The following MKRN1 variants were observed in gnomAD, a reference collection of about 807,000 sequenced individuals.
MKRN1 encodes makorin ring finger protein 1.
A neutral mutation model predicts 55.5 loss-of-function variants in MKRN1; 9 were observed. The ratio of observed to expected loss-of-function variants is 0.16; its 90% CI spans 0.10 to 0.28. The LOEUF (loss-of-function observed/expected upper bound fraction) is 0.28. Among genes scored for constraint, MKRN1 ranks in the 10% least tolerant of loss-of-function variants. MKRN1 has a pLI of 1.00. For synonymous variants in MKRN1, 253 were observed against 235.9 expected, an observed-to-expected ratio of 1.07 and a Z score of -0.66; for missense variants, 488 against 626.7, an observed-to-expected ratio of 0.78 and a Z score of 2.36.
rs146644993 is a variant in MKRN1, at chr7:140,477,247, A to G, written c.185+1913T>C. ...CCTATCAAGGAATCTGCACAACAATAAAAAACTGTCTCAAGCAAAAGCTAT... is the reference window on the plus strand; with the variant it reads ...CCTATCAAGGAATCTGCACAACAATGAAAAACTGTCTCAAGCAAAAGCTAT... On this transcript the variant is annotated intron_variant, in intron 1 of 7. Transcript: ENST00000255977. Among the ~76,000 whole-genome samples the G allele has an allele frequency of 1.3e-4, 20 of 152,296 alleles. No homozygotes were observed. In the East Asian group the frequency reaches 2.1e-3, roughly 16 times the overall value.
intron 1 of MKRN1, 141 bp from the exon 2 acceptor site, chr7:140,472,152 G>T: frequency 1.7e-6 from 2 of 1,155,724 alleles, no homozygotes; most frequent in Non-Finnish European, 2.4e-6. Flanking sequence ...AGGCATGGTG[G>T]CTCATGCCTG....
rs567966215 is a variant in MKRN1, at chr7:140,477,528, TG to T, written c.185+1631del. On this transcript the variant is annotated intron_variant, in intron 1 of 7. Coordinates refer to ENST00000255977, the MANE Select transcript of MKRN1 (RefSeq NM_013446.4). Reference sequence around the variant, plus strand: ...CAGTAGAGACGGGGTTTCACCATCTTGGCCAGGCTGGTCTTGAGCTCCTGAC... The same window carrying T: ...CAGTAGAGACGGGGTTTCACCATCTTGCCAGGCTGGTCTTGAGCTCCTGAC... Among the ~76,000 whole-genome samples, 508 of 152,308 alleles carry T rather than the reference TG, an allele frequency of 3.3e-3. 3 individuals carry two copies. The highest frequency in any genetic ancestry group is 5.4e-3 in the Non-Finnish European group (366 of 68,038).
At chr7:140,458,483 T>C (rs1794529708) in intron 4 of MKRN1, among the ~76,000 whole-genome samples, 1 of 152,214 alleles carries the variant, frequency 6.6e-6, no homozygotes. Context: ...GATTCGTTAT[T>C]GCCAGGAGCT....
At chr7:140,464,699 C>CA (rs1395490218) in intron 2 of MKRN1, among the ~76,000 whole-genome samples, 2 of 151,120 alleles carry the variant, frequency 1.3e-5, no homozygotes, top group African/African-American at 2.4e-5. Flanking sequence ...GAGTGAAACT[C>CA]AGTCTCAAAA....
At chr7:140,455,070 C>G in intron 7 of MKRN1, 25 bp downstream of exon 7, 1 of 1,611,904 alleles carries the variant, frequency 6.2e-7, no homozygotes, top group Non-Finnish European at 8.5e-7. Flanking sequence ...AATTTCCCCT[C>G]CTTTAAAAAA....
rs776740671 is a variant in MKRN1 at position 140,479,228 on chromosome 7, C to T, written c.117G>A (p.Leu39=). The T allele has an allele frequency of 1.4e-6, 2 of 1,456,526 alleles. No homozygotes were observed. Among genetic ancestry groups the T allele is most frequent in the East Asian group, 3.0e-5 (1 of 33,248 alleles). The allele number at this position is 1,456,526 out of a possible 1,614,324, so 90.2% of individuals were successfully genotyped here. A position where few individuals can be genotyped will look rare whatever the true frequency, so the allele number is the denominator to read the frequency against. The part of the protein sequence containing the change: ...TPIPTVTAPS[L]GAGGGGGGSD... Reference sequence around the variant, plus strand: ...TGCCGCCGCCCCCTCCGCCCGCCCCCAGGGACGGGGCGGTGACTGTGGGGA... The same window carrying T: ...TGCCGCCGCCCCCTCCGCCCGCCCCTAGGGACGGGGCGGTGACTGTGGGGA... Residue 39 remains leucine (L), a synonymous_variant, in exon 1 of 8, where the codon CTG becomes CTA. Transcript: ENST00000255977.
At chr7:140,471,343 C>G (rs1388044892) in intron 2 of MKRN1, among the ~76,000 whole-genome samples, 1 of 152,116 alleles carries the variant, frequency 6.6e-6, no homozygotes, top group East Asian at 1.9e-4. Context: ...CACCACTGCA[C>G]TCCAGCCTGG....
At chr7:140,471,719 C>T (rs1478379020) in intron 2 of MKRN1, among the ~76,000 whole-genome samples, 164 bp downstream of exon 2, 1 of 152,178 alleles carries the variant, frequency 6.6e-6, no homozygotes, top group African/African-American at 2.4e-5. Flanking sequence ...ATCCTCCTAC[C>T]TAAGCATCCC....
At chr7:140,478,271 CTCT>C (rs1227427913) in intron 1 of MKRN1, 1 of 152,242 alleles carries the variant, frequency 6.6e-6, no homozygotes, top group Non-Finnish European at 1.5e-5. Flanking sequence ...ATTAAATGCC[CTCT>C]TCTGCGTAGA....
intron 5 of MKRN1, 38 bp downstream of exon 5, chr7:140,456,614 A>C (rs751643168): frequency 6.2e-7 from 1 of 1,604,608 alleles, no homozygotes. Flanking sequence ...TCTTCCCCAA[A>C]AGAGAAAGCA....
At position 140,479,223 on chromosome 7, in the gene MKRN1, G is replaced by GC; in HGVS notation, c.121dup (p.Ala41GlyfsTer17). 1 of 1,453,418 alleles carries GC rather than the reference G, an allele frequency of 6.9e-7. No individual in the cohort carries two copies. Among genetic ancestry groups the GC allele is most frequent in the Non-Finnish European group, 9.1e-7 (1 of 1,104,346 alleles). The allele number at this position is 1,453,418 out of a possible 1,614,324, so 90.0% of individuals were successfully genotyped here. On this transcript the variant is annotated frameshift_variant, in exon 1 of 8. Transcript: ENST00000255977. LOFTEE classifies it high-confidence loss of function. ...GTCGCTGCCGCCGCCCCCTCCGCCC[G>GC]CCCCCAGGGACGGGGCGGTGACTGT... is the stretch of plus-strand genomic sequence containing the variant.
rs769128038 is a variant in MKRN1 at position 140,456,906 on chromosome 7, T to C, written c.772-40A>G. On this transcript the variant is annotated intron_variant, in intron 4 of 7. Coordinates refer to ENST00000255977, the MANE Select transcript of MKRN1 (RefSeq NM_013446.4). ...GAGAGAACAAGTGGAATCCAGTCATTGAACCCTGAAAAACTTGAGCAACAG... is the reference window on the plus strand; with the variant it reads ...GAGAGAACAAGTGGAATCCAGTCATCGAACCCTGAAAAACTTGAGCAACAG... 44 of 1,577,788 alleles carry C rather than the reference T, an allele frequency of 2.8e-5. No homozygotes were observed. In the South Asian group the frequency reaches 3.3e-4, roughly 12 times the overall value.
intron 2 of MKRN1, among the ~76,000 whole-genome samples, chr7:140,460,959 G>A (rs901692566): frequency 2.6e-5 from 4 of 152,192 alleles, no homozygotes; most frequent in Admixed American, 2.6e-4. Flanking sequence ...TTGGCCTGTA[G>A]GCCCATACCC....
intron 2 of MKRN1, among the ~76,000 whole-genome samples, chr7:140,469,253 G>C (rs1441324315): frequency 1.3e-5 from 2 of 151,778 alleles, no homozygotes; most frequent in African/African-American, 4.8e-5. Flanking sequence ...GTGAACCCGG[G>C]AGGCGGAGCT....
chr7:140,474,024 A>AGAAAGAAG (rs1795033013), intron 1 of MKRN1, among the ~76,000 whole-genome samples: 1 of 50,796 alleles, frequency 2.0e-5, no homozygotes, highest in Non-Finnish European at 3.7e-5. Flanking sequence ...AAAGAAAGAA[A>AGAAAGAAG]GAAAGAAAGA....
At chr7:140,471,769 A>G (rs1794933986) in intron 2 of MKRN1, 114 bp downstream of exon 2, 1 of 1,416,074 alleles carries the variant, frequency 7.1e-7, no homozygotes, top group Admixed American at 2.0e-5. Flanking sequence ...TGCCCAGCCA[A>G]GAGTCATTTT....
intron 1 of MKRN1, among the ~76,000 whole-genome samples, chr7:140,472,709 C>T (rs996579395): frequency 6.6e-6 from 1 of 151,110 alleles, no homozygotes; most frequent in East Asian, 2.0e-4. Flanking sequence ...ATTGTTACAA[C>T]GAACTATTTT....
chr7:140,455,104 G>A lies in MKRN1; in HGVS notation c.1227C>T (p.Ser409=). The A allele has an allele frequency of 1.2e-6, 2 of 1,613,710 alleles. No homozygotes were observed. Among genetic ancestry groups the A allele is most frequent in the Non-Finnish European group, 8.5e-7 (1 of 1,179,968 alleles). ...EPQRQKVGTS[S]RYRAQRRNHF... ...AAACAGTGAGAGTTACCCGGTATCT[G>A]CTTGATGTTCCCACTTTCTGTCTCT... The change falls in exon 7 of 8, where the codon AGC becomes AGT. Residue 409 remains serine (S), a synonymous_variant. Transcript: ENST00000255977.
intron 2 of MKRN1, among the ~76,000 whole-genome samples, chr7:140,470,118 G>T (rs570344969): frequency 6.6e-5 from 10 of 150,834 alleles, no homozygotes; most frequent in Non-Finnish European, 1.5e-4. Context: ...CTACTCTGGA[G>T]GCCAAGGCAG....
Sources: allele counts gnomAD v4.1 joint callset (sites outside exome capture counted in the v4.1 genomes callset), GRCh38; gene constraint gnomAD v4.1.1; transcripts MANE v1.5; gene names NCBI Gene and HGNC (gene_info 2026-07-23, HGNC 2026-07-21).